The following GFPT1 variants were observed in gnomAD, a reference collection of about 807,000 sequenced individuals.
The protein encoded by GFPT1 is glutamine--fructose-6-phosphate aminotransferase [isomerizing] 1.
Under a neutral mutation model 92.0 loss-of-function variants are expected in GFPT1, and 40 were observed. The ratio of observed to expected loss-of-function variants is 0.43; its 90% CI spans 0.34 to 0.57. The LOEUF (loss-of-function observed/expected upper bound fraction) is 0.57, where lower values mean the gene tolerates loss of function less well. Among genes scored for constraint, GFPT1 ranks in the 20% least tolerant of loss-of-function variants. GFPT1 has a pLI of 0.02. For synonymous variants in GFPT1, 269 were observed against 280.6 expected, an observed-to-expected ratio of 0.96 and a Z score of 0.41; for missense variants, 448 against 869.1, an observed-to-expected ratio of 0.52 and a Z score of 6.09.
At chr2:69,383,257 A>G (rs1054118464) in intron 1 of GFPT1, among the ~76,000 whole-genome samples, 1 of 152,222 alleles carries the variant, frequency 6.6e-6, no homozygotes, top group African/African-American at 2.4e-5. Context: ...CTAATTGTGA[A>G]TCTCCAAGAG....
chr2:69,366,218 T>C (rs1468820710), intron 3 of GFPT1, among the ~76,000 whole-genome samples: 2 of 152,226 alleles, frequency 1.3e-5, no homozygotes, highest in African/African-American at 4.8e-5. Flanking sequence ...ATTGAATCCA[T>C]TTCAAATTCA....
intron 1 of GFPT1, among the ~76,000 whole-genome samples, chr2:69,376,163 C>T (rs990196916): frequency 6.6e-6 from 1 of 152,176 alleles, no homozygotes; most frequent in African/African-American, 2.4e-5. Flanking sequence ...GTATTTTAAC[C>T]AGGTCATTAA....
intron 15 of GFPT1, among the ~76,000 whole-genome samples, chr2:69,333,318 A>G (rs573874504): frequency 6.6e-6 from 1 of 152,364 alleles, no homozygotes; most frequent in East Asian, 1.9e-4. Context: ...ACTAGTGTTT[A>G]TTTGTTTGAA....
At chr2:69,368,312 G>A (rs1000806015) in intron 3 of GFPT1, among the ~76,000 whole-genome samples, 1 of 152,220 alleles carries the variant, frequency 6.6e-6, no homozygotes, top group Non-Finnish European at 1.5e-5. Flanking sequence ...GAACCAGGAA[G>A]CAGAGGTTGC....
chr2:69,370,610 T>G (rs1031701179), intron 2 of GFPT1, among the ~76,000 whole-genome samples: 1 of 151,934 alleles, frequency 6.6e-6, no homozygotes, highest in Non-Finnish European at 1.5e-5. Flanking sequence ...TAGAAACAAG[T>G]GTAGGGAAAG....
rs1368880308 is a variant in GFPT1, at chr2:69,325,506, T to C, written c.*683A>G. On this transcript the variant is annotated 3_prime_UTR_variant, in exon 20 of 20. Coordinates refer to ENST00000357308, the MANE Select transcript of GFPT1 (RefSeq NM_001244710.2). The stretch of plus-strand genomic sequence containing the variant: ...AGCAGCTTGAATTTAAAGTTTGTGC[T>C]ATAAAATTGTGCAAATATGTTAAGG... 6.6e-6 allele frequency: 1 copy of C among 152,188 alleles called. No individual in the cohort carries two copies. The highest frequency in any genetic ancestry group is 1.5e-5 in the Non-Finnish European group (1 of 68,018). 9.4% of individuals were successfully genotyped at this position (152,188 alleles called of 1,614,324 possible). A position where few individuals can be genotyped will look rare whatever the true frequency, so the allele number is the denominator to read the frequency against.
At chr2:69,328,520 A>G in intron 17 of GFPT1, 82 bp from the exon 18 acceptor site, 1 of 967,078 alleles carries the variant, frequency 1.0e-6, no homozygotes, top group African/African-American at 1.6e-5. Context: ...AGCATCTGAT[A>G]TGTCAAGCCA....
chr2:69,373,961 T>C, intron 2 of GFPT1, 45 bp downstream of exon 2: 1 of 883,478 alleles, frequency 1.1e-6, no homozygotes, highest in Non-Finnish European at 1.9e-6. Context: ...AAATAGTATC[T>C]ATTTAAAGAA....
intron 3 of GFPT1, among the ~76,000 whole-genome samples, chr2:69,367,977 A>G (rs1671650867): frequency 6.6e-6 from 1 of 152,226 alleles, no homozygotes; most frequent in Non-Finnish European, 1.5e-5. Context: ...GGCCAGGTGC[A>G]GTGGTTCAAG....
rs189143880 is a variant in GFPT1 at position 69,376,481 on chromosome 2, T to C, written c.8-2368A>G. Reference sequence around the variant, plus strand: ...TTGCAGTGAGCCGAGATCGCACTGCTGCACTCCAGCCTGGGAGACAGAGCG... The same window carrying C: ...TTGCAGTGAGCCGAGATCGCACTGCCGCACTCCAGCCTGGGAGACAGAGCG... On this transcript the variant is annotated intron_variant, in intron 1 of 19. Transcript: ENST00000357308. Among the ~76,000 whole-genome samples the C allele has an allele frequency of 1.6e-3, 244 of 151,330 alleles. 4 individuals are homozygous for C. Among genetic ancestry groups the C allele is most frequent in the Non-Finnish European group, 3.8e-4 (26 of 67,926 alleles).
chr2:69,380,776 G>A (rs1463353513), intron 1 of GFPT1, among the ~76,000 whole-genome samples: 2 of 152,106 alleles, frequency 1.3e-5, no homozygotes, highest in Non-Finnish European at 2.9e-5. Context: ...GACAGCCAAG[G>A]AGAACTCATC....
At position 69,338,802 on chromosome 2, in the gene GFPT1, C is replaced by CTTT. The variant is rs58220809; in HGVS notation, c.1204-240_1204-238dup. On this transcript the variant is annotated intron_variant, in intron 13 of 19. Coordinates refer to ENST00000357308, the MANE Select transcript of GFPT1 (RefSeq NM_001244710.2). ...TAGACAACTATCTATGTATACATTC[C>CTTT]TTTTTTTTTTTTTTTTGAGACGGAG... Among the ~76,000 whole-genome samples, 82,298 of 131,474 alleles carry CTTT rather than the reference C, an allele frequency of 0.63. 27,119 individuals carry two copies. The highest frequency in any genetic ancestry group is 0.82 in the African/African-American group (28,330 of 34,580). 86.3% of individuals were successfully genotyped at this position (131,474 alleles called of 152,430 possible). A position where few individuals can be genotyped will look rare whatever the true frequency, so the allele number is the denominator to read the frequency against.
chr2:69,330,620 C>A (rs892131415), intron 15 of GFPT1, among the ~76,000 whole-genome samples: 3 of 143,574 alleles, frequency 2.1e-5, no homozygotes, highest in Non-Finnish European at 3.0e-5. Context: ...GAAAAGTAAA[C>A]AGAAATAATA....
intron 1 of GFPT1, among the ~76,000 whole-genome samples, chr2:69,379,570 C>T (rs1339702033): frequency 6.6e-6 from 1 of 152,112 alleles, no homozygotes; most frequent in African/African-American, 2.4e-5. Flanking sequence ...CAGGGGTCTG[C>T]TCTGTCGCCC....
intron 15 of GFPT1, among the ~76,000 whole-genome samples, chr2:69,333,885 CGG>C (rs1236789146): frequency 6.6e-6 from 1 of 152,144 alleles, no homozygotes; most frequent in East Asian, 1.9e-4. Context: ...TGGCTGGGCG[CGG>C]TGGCTTACGC....
chr2:69,368,639 G>A (rs1008678055), intron 3 of GFPT1, among the ~76,000 whole-genome samples: 2 of 151,826 alleles, frequency 1.3e-5, no homozygotes, highest in Admixed American at 1.3e-4. Flanking sequence ...TGAAACAGGA[G>A]AATCGCTTGA....
rs1670840414 is a variant in GFPT1, at chr2:69,337,937, A to G, written c.1443T>C (p.His481=). ...CACCAATCTCAGGACCAGCATTAAT[A>G]TGAACTCCACAATCTGTCTCCCGTG... ...SISRETDCGV[H]INAGPEIGVA... is the part of the protein sequence containing the mutation. The change falls in exon 15 of 20, where the codon CAT becomes CAC. Residue 481 remains histidine (H), a synonymous_variant. Transcript: ENST00000357308. 1 of 1,613,978 alleles carries G rather than the reference A, an allele frequency of 6.2e-7. No individual in the cohort carries two copies. Among genetic ancestry groups the G allele is most frequent in the African/African-American group, 1.3e-5 (1 of 75,044 alleles).
At chr2:69,343,652 T>C (rs530284536) in intron 12 of GFPT1, among the ~76,000 whole-genome samples, 1 of 152,208 alleles carries the variant, frequency 6.6e-6, no homozygotes, top group Non-Finnish European at 1.5e-5. Context: ...CCTCAAGTAA[T>C]CCACCCACCT....
intron 1 of GFPT1, among the ~76,000 whole-genome samples, chr2:69,383,018 C>T (rs1369549302): frequency 6.6e-6 from 1 of 152,180 alleles, no homozygotes; most frequent in African/African-American, 2.4e-5. Context: ...CTGCAAAGGG[C>T]AGAGTGCCAA....
Sources: gnomAD v4.1 joint callset for allele counts (sites outside exome capture counted in the v4.1 genomes callset) on GRCh38, gnomAD v4.1.1 for gene constraint, MANE v1.5 for transcripts, NCBI Gene and HGNC (gene_info 2026-07-23, HGNC 2026-07-21) for gene names.